Variants in USO1 observed in about 807,000 individuals in gnomAD.
USO1 encodes the protein USO1 vesicle transport factor.
A neutral mutation model predicts 124.5 loss-of-function variants in USO1; 57 were observed. That is an observed-to-expected ratio of 0.46 (90% CI 0.37 to 0.57). The LOEUF (loss-of-function observed/expected upper bound fraction) is 0.57, where lower values mean the gene tolerates loss of function less well. USO1 is among the 20% of genes least tolerant of loss of function. The probability of loss-of-function intolerance (pLI) is 0.00; values close to 1 mark genes in which losing one functional copy is unlikely to be tolerated. For missense variants in USO1, 900 were observed against 1,040.6 expected, an observed-to-expected ratio of 0.86 and a Z score of 1.86; for synonymous variants, 369 against 362.8, an observed-to-expected ratio of 1.02 and a Z score of -0.19.
At position 75,729,848 on chromosome 4, in the gene USO1, C is replaced by T. The variant is rs1378737985; in HGVS notation, c.66+4963C>T. 6 of 263,536 alleles carry T rather than the reference C, an allele frequency of 2.3e-5. No homozygotes were observed. The East Asian group carries it at 6.0e-4, about 26-fold the overall frequency. The allele number at this position is 263,536 out of a possible 1,614,324, so 16.3% of individuals were successfully genotyped here. A position where few individuals can be genotyped will look rare whatever the true frequency, so the allele number is the denominator to read the frequency against. ...AACTTTCATCAGCTGTCTCAGAAAGCAGAAGGGCTAACAATATAAACACAG... is the reference window on the plus strand; with the variant it reads ...AACTTTCATCAGCTGTCTCAGAAAGTAGAAGGGCTAACAATATAAACACAG... On this transcript the variant is annotated intron_variant, in intron 1 of 23. Transcript: ENST00000514213.
At chr4:75,728,204 TTGAC>T (rs966959322) in intron 1 of USO1, among the ~76,000 whole-genome samples, 3 of 152,258 alleles carry the variant, frequency 2.0e-5, no homozygotes, top group Non-Finnish European at 2.9e-5. Context: ...ACTAAATGCT[TTGAC>T]TGCTTTCTTG....
At chr4:75,733,617 G>A (rs1018190650) in intron 1 of USO1, among the ~76,000 whole-genome samples, 1 of 152,166 alleles carries the variant, frequency 6.6e-6, no homozygotes, top group African/African-American at 2.4e-5. Context: ...CTATGTATAT[G>A]TATTGTTTGG....
At chr4:75,796,082 T>C (rs1413304246) in intron 13 of USO1, among the ~76,000 whole-genome samples, 4 of 152,188 alleles carry the variant, frequency 2.6e-5, no homozygotes, top group Non-Finnish European at 5.9e-5. Flanking sequence ...TGATTTAACA[T>C]GTGTCATTAA....
intron 4 of USO1, among the ~76,000 whole-genome samples, chr4:75,765,779 C>T (rs1470132310): frequency 6.6e-6 from 1 of 152,088 alleles, no homozygotes; most frequent in East Asian, 1.9e-4. Flanking sequence ...AACAGGAAAT[C>T]CTTTAAGGAG....
intron 1 of USO1, among the ~76,000 whole-genome samples, chr4:75,736,497 T>G (rs151328213): frequency 1.7e-3 from 255 of 151,918 alleles, no homozygotes; most frequent in Non-Finnish European, 2.8e-3. Context: ...GAAATGGGGT[T>G]TCACCATGTT....
At chr4:75,790,836 A>C (rs745863775) in intron 12 of USO1, 39 bp downstream of exon 12, 4 of 1,513,812 alleles carry the variant, frequency 2.6e-6, no homozygotes, top group Non-Finnish European at 3.5e-6. Context: ...GAAAAAGTAA[A>C]TCATTGTCTT....
chr4:75,804,103 T>G (rs1257354053), intron 17 of USO1, 31 bp from the exon 18 acceptor site: 1 of 1,608,000 alleles, frequency 6.2e-7, no homozygotes, highest in Admixed American at 1.7e-5. Flanking sequence ...AGTATGACTT[T>G]AAAACACATG....
chr4:75,809,589 C>A (rs1455524980), intron 21 of USO1, among the ~76,000 whole-genome samples: 1 of 152,218 alleles, frequency 6.6e-6, no homozygotes, highest in African/African-American at 2.4e-5. Context: ...CCACAAAACA[C>A]TGCAACACTA....
intron 12 of USO1, among the ~76,000 whole-genome samples, chr4:75,792,744 C>T (rs1722567188): frequency 6.6e-6 from 1 of 152,044 alleles, no homozygotes; most frequent in South Asian, 2.1e-4. Context: ...ATTATAGTCA[C>T]CCTGTTGTGC....
chr4:75,794,656 T>C (rs1326133971), intron 13 of USO1, among the ~76,000 whole-genome samples: 1 of 152,244 alleles, frequency 6.6e-6, no homozygotes, highest in East Asian at 1.9e-4. Flanking sequence ...AATTGTTCTG[T>C]ACACTGCTCT....
At chr4:75,806,713 A>G (rs1723007422) in intron 20 of USO1, 141 bp downstream of exon 20, 2 of 1,138,932 alleles carry the variant, frequency 1.8e-6, no homozygotes, top group Non-Finnish European at 2.4e-6. Context: ...AAAATCCAGA[A>G]GCTGTTTCTA....
intron 13 of USO1, among the ~76,000 whole-genome samples, chr4:75,796,341 C>CTTTTTTTTTTGTTTTTT (rs1722679080): frequency 9.8e-6 from 1 of 102,064 alleles, no homozygotes; most frequent in Non-Finnish European, 2.1e-5. Context: ...CCATCATGCT[C>CTTTTTTTTTTGTTTTTT]TTTTTTTTTT....
intron 11 of USO1, 78 bp downstream of exon 11, chr4:75,790,316 T>A: frequency 6.8e-7 from 1 of 1,479,150 alleles, no homozygotes; most frequent in South Asian, 1.4e-5. Flanking sequence ...ATACACATCT[T>A]ACTCTTTTTA....
intron 7 of USO1, among the ~76,000 whole-genome samples, chr4:75,773,149 C>CT (rs1317554894): frequency 6.6e-6 from 1 of 152,060 alleles, no homozygotes; most frequent in Non-Finnish European, 1.5e-5. Flanking sequence ...TCCTGTTTTC[C>CT]TTTAACTCTT....
chr4:75,735,210 G>A (rs1399427208), intron 1 of USO1, among the ~76,000 whole-genome samples: 1 of 152,072 alleles, frequency 6.6e-6, no homozygotes, highest in African/African-American at 2.4e-5. Flanking sequence ...GGGTAAATGG[G>A]ATTGCATTCT....
At chr4:75,810,331 A>AATTC (rs1193426449) in intron 21 of USO1, 101 bp from the exon 22 acceptor site, 7 of 1,302,276 alleles carry the variant, frequency 5.4e-6, no homozygotes, top group African/African-American at 1.5e-5. Context: ...CTGTTAGTGA[A>AATTC]AGTAAAATAT....
At chr4:75,745,305 T>G (rs771995475) in intron 1 of USO1, 7 of 515,426 alleles carry the variant, frequency 1.4e-5, no homozygotes, top group Admixed American at 8.0e-5. Flanking sequence ...AACAAGGAAC[T>G]GCCCTGGCTG....
chr4:75,727,209 A>G (rs1577918307), intron 1 of USO1, among the ~76,000 whole-genome samples: 1 of 152,344 alleles, frequency 6.6e-6, no homozygotes, highest in East Asian at 1.9e-4. Flanking sequence ...TTATAGTCAC[A>G]GAGCACTAAA....
chr4:75,768,043 G>A (rs546301478), intron 4 of USO1, among the ~76,000 whole-genome samples: 1 of 151,866 alleles, frequency 6.6e-6, no homozygotes, highest in Non-Finnish European at 1.5e-5. Flanking sequence ...TTGGGACAGG[G>A]TCTTACTTTG....
Sources: allele counts gnomAD v4.1 joint callset (sites outside exome capture counted in the v4.1 genomes callset), GRCh38; gene constraint gnomAD v4.1.1; transcripts MANE v1.5; gene names NCBI Gene and HGNC (gene_info 2026-07-23, HGNC 2026-07-21).